The following MAD1L1 variants were observed in gnomAD, a reference collection of about 807,000 sequenced individuals.
MAD1L1 encodes mitotic spindle assembly checkpoint protein MAD1.
A neutral mutation model predicts 96.9 loss-of-function variants in MAD1L1; 95 were observed. The ratio of observed to expected loss-of-function variants is 0.98; its 90% CI spans 0.83 to 1.16. MAD1L1 has a LOEUF of 1.16. Among genes scored for constraint, MAD1L1 ranks in the 50% most tolerant of loss-of-function variants. MAD1L1 has a pLI of 0.00. For missense variants in MAD1L1, 1,007 were observed against 954.4 expected (o/e 1.06, Z -0.73); for synonymous variants, 473 against 396.6 (o/e 1.19, Z -2.29).
At chr7:2,078,564 A>G (rs1301242660) in intron 11 of MAD1L1, among the ~76,000 whole-genome samples, 14 of 152,244 alleles carry the variant, frequency 9.2e-5, no homozygotes, top group Admixed American at 9.2e-4. Flanking sequence ...AGAAGAAAGC[A>G]GAGGAGGCTG....
intron 14 of MAD1L1, chr7:1,980,849 G>A: frequency 2.0e-6 from 1 of 495,532 alleles, no homozygotes; most frequent in Non-Finnish European, 3.9e-6. Flanking sequence ...TGGGGAGAGA[G>A]CACGCTCCAA....
At position 1,843,672 on chromosome 7, in the gene MAD1L1, G is replaced by A. The variant is rs187343916; in HGVS notation, c.1999-27444C>T. Among the ~76,000 whole-genome samples the A allele has an allele frequency of 2.4e-4, 37 of 152,352 alleles. 1 individual carries two copies. In the East Asian group the frequency reaches 7.0e-3, roughly 29 times the overall value. ...CGAAGGAGTCAGAAACCAAGGCCGG[G>A]AGGAGACCTGAGCTGAAGACTCACT... On this transcript the variant is annotated intron_variant, in intron 18 of 18. Coordinates refer to ENST00000265854, the MANE Select transcript of MAD1L1 (RefSeq NM_001013836.2).
chr7:2,227,964 A>T (rs1258463301), intron 3 of MAD1L1, among the ~76,000 whole-genome samples: 2 of 152,156 alleles, frequency 1.3e-5, no homozygotes, highest in East Asian at 3.9e-4. Flanking sequence ...ACCAGACAGC[A>T]CACATTCCCC....
rs140241700 is a variant in MAD1L1 at position 2,201,561 on chromosome 7, G to A, written c.986+11651C>T. On this transcript the variant is annotated intron_variant, in intron 10 of 18. Coordinates refer to ENST00000265854, the MANE Select transcript of MAD1L1 (RefSeq NM_001013836.2). ...CGGCAGCCGGACTTGTCTAAAGCCT[G>A]TCACTCTGGCCTTAGACTTTTTAAA... is the stretch of plus-strand genomic sequence containing the variant. Among the ~76,000 whole-genome samples, 1,074 of 152,310 alleles carry A rather than the reference G, an allele frequency of 7.1e-3. 8 individuals carry two copies. The highest frequency in any genetic ancestry group is 0.012 in the Non-Finnish European group (811 of 68,026).
intron 17 of MAD1L1, among the ~76,000 whole-genome samples, chr7:1,929,163 G>A (rs939409869): frequency 2.6e-4 from 40 of 150,972 alleles, no homozygotes; most frequent in Non-Finnish European, 5.0e-4. Context: ...CTCCCCTCCC[G>A]GGCCTCCCCT....
rs1793947203 is a variant in MAD1L1, at chr7:2,227,205, A to G, written c.151-1655T>C. On this transcript the variant is annotated intron_variant, in intron 3 of 18. Transcript: ENST00000265854. ...CAGCTACTCGGGAGGCTGAGGAGGGAGAATCACTTGAACCCAGGAGACGGA... is the reference window on the plus strand; with the variant it reads ...CAGCTACTCGGGAGGCTGAGGAGGGGGAATCACTTGAACCCAGGAGACGGA... Among the ~76,000 whole-genome samples the G allele has an allele frequency of 1.3e-5, 2 of 151,948 alleles. 1 individual carries two copies. The highest frequency in any genetic ancestry group is 1.3e-4 in the Admixed American group (2 of 15,262).
intron 12 of MAD1L1, among the ~76,000 whole-genome samples, chr7:2,044,365 C>G (rs981498323): frequency 3.3e-5 from 5 of 152,194 alleles, no homozygotes; most frequent in Non-Finnish European, 7.4e-5. Flanking sequence ...CTCACGCACC[C>G]AGGCTCCTGA....
At chr7:1,989,876 A>G (rs574155669) in intron 14 of MAD1L1, among the ~76,000 whole-genome samples, 3 of 152,178 alleles carry the variant, frequency 2.0e-5, no homozygotes, top group Non-Finnish European at 2.9e-5. Context: ...CATAGCCCCA[A>G]CCTTCATGAA....
At chr7:2,079,936 C>T (rs752704438) in intron 11 of MAD1L1, 236 of 364,956 alleles carry the variant, frequency 6.5e-4, no homozygotes, top group Non-Finnish European at 1.0e-3. Flanking sequence ...CCTGGAGTGA[C>T]GCAGAGAGGC....
At chr7:2,223,764 G>T (rs1426701946) in intron 4 of MAD1L1, 3 of 152,282 alleles carry the variant, frequency 2.0e-5, no homozygotes, top group African/African-American at 7.2e-5. Flanking sequence ...ACAGCCAGAT[G>T]CGGCACCGGG....
At chr7:1,973,597 G>T (rs886917572) in intron 15 of MAD1L1, among the ~76,000 whole-genome samples, 1 of 152,188 alleles carries the variant, frequency 6.6e-6, no homozygotes, top group Non-Finnish European at 1.5e-5. Flanking sequence ...CACACACGAG[G>T]ACCACAGACA....
chr7:1,826,405 G>A (rs943835062), intron 18 of MAD1L1, among the ~76,000 whole-genome samples: 4 of 152,278 alleles, frequency 2.6e-5, no homozygotes, highest in Admixed American at 6.5e-5. Context: ...CCCCGCTCAT[G>A]GCCTCACTCC....
chr7:2,060,520 GAGATACGCTAATGCCA>G (rs1562648572), intron 12 of MAD1L1, among the ~76,000 whole-genome samples: 1 of 152,044 alleles, frequency 6.6e-6, no homozygotes, highest in African/African-American at 2.4e-5. Flanking sequence ...CGCTAATGTC[GAGATACGCTAATGCCA>G]AGATAAGCTA....
rs868709818 is a variant in MAD1L1 at position 2,054,909 on chromosome 7, C to T, written c.1218+14285G>A. Among the ~76,000 whole-genome samples, 34 of 152,356 alleles carry T rather than the reference C, an allele frequency of 2.2e-4. No homozygotes were observed. In the South Asian group the frequency reaches 3.3e-3, roughly 15 times the overall value. ...AACACATGCGGTACTCAGGGCTGCTCCTTGGACATCCCCAGAGGCTAAAGC... is the reference window on the plus strand; with the variant it reads ...AACACATGCGGTACTCAGGGCTGCTTCTTGGACATCCCCAGAGGCTAAAGC... On this transcript the variant is annotated intron_variant, in intron 12 of 18. Transcript: ENST00000265854.
At chr7:2,101,777 A>G (rs1418628020) in intron 11 of MAD1L1, among the ~76,000 whole-genome samples, 1 of 152,186 alleles carries the variant, frequency 6.6e-6, no homozygotes, top group African/African-American at 2.4e-5. Context: ...AACAGCTTCT[A>G]TGCTGCTCAC....
chr7:1,855,712 A>G (rs1784213809), intron 18 of MAD1L1, among the ~76,000 whole-genome samples: 1 of 152,188 alleles, frequency 6.6e-6, no homozygotes, highest in South Asian at 2.1e-4. Flanking sequence ...CTTCCTCCTG[A>G]GCCCTCACCA....
intron 13 of MAD1L1, among the ~76,000 whole-genome samples, chr7:2,004,242 G>A (rs994660092): frequency 1.3e-5 from 2 of 152,094 alleles, no homozygotes; most frequent in Non-Finnish European, 2.9e-5. Context: ...ACGCACCCAT[G>A]AGAGCTGCCC....
Position 1,924,415 on chromosome 7 carries a change from ATTTC to A in MAD1L1, c.1807+12268_1807+12271del, listed in dbSNP as rs1224674535. On this transcript the variant is annotated intron_variant, in intron 17 of 18. Transcript: ENST00000265854. The stretch of plus-strand genomic sequence containing the variant: ...CATCTGCACGGAGGGGAAAGGGGAG[ATTTC>A]TTTGAGTGACTGCAGGTTGCTCATC... Among the ~76,000 whole-genome samples the A allele has an allele frequency of 2.3e-4, 35 of 152,186 alleles. 1 individual carries two copies.
chr7:1,975,028 C>A (rs1780571313), intron 15 of MAD1L1, among the ~76,000 whole-genome samples: 1 of 152,272 alleles, frequency 6.6e-6, no homozygotes, highest in African/African-American at 2.4e-5. Context: ...GGCGCAGGGG[C>A]CGCTGTCGCT....
Sources: gnomAD v4.1 joint callset for allele counts (sites outside exome capture counted in the v4.1 genomes callset) on GRCh38, gnomAD v4.1.1 for gene constraint, MANE v1.5 for transcripts, NCBI Gene and HGNC (gene_info 2026-07-23, HGNC 2026-07-21) for gene names.